The following UGGT1 variants were observed in gnomAD, a reference collection of about 807,000 sequenced individuals.
UGGT1 encodes the protein UDP-glucose:glycoprotein glucosyltransferase 1.
Under a neutral mutation model 203.9 loss-of-function variants are expected in UGGT1, and 107 were observed. That is an observed-to-expected ratio of 0.52 (90% CI 0.45 to 0.62). The LOEUF (loss-of-function observed/expected upper bound fraction) is 0.62, where lower values mean the gene tolerates loss of function less well. Ranked by LOEUF, UGGT1 falls within the 20% of genes least tolerant of loss-of-function variation. The probability of loss-of-function intolerance (pLI) is 0.00; values close to 1 mark genes in which losing one functional copy is unlikely to be tolerated. For synonymous variants in UGGT1, 628 were observed against 653.5 expected (o/e 0.96, Z 0.59); for missense variants, 1,673 against 1,867.2 (o/e 0.90, Z 1.92).
chr2:128,154,591 A>G (rs1433564614), intron 19 of UGGT1, among the ~76,000 whole-genome samples: 2 of 152,138 alleles, frequency 1.3e-5, no homozygotes, highest in African/African-American at 4.8e-5. Context: ...TTTTATCGGC[A>G]TGGTGTGCTC....
intron 38 of UGGT1, among the ~76,000 whole-genome samples, chr2:128,185,444 G>A (rs1161232753): frequency 2.5e-4 from 37 of 146,722 alleles, no homozygotes; most frequent in Non-Finnish European, 3.9e-4. Flanking sequence ...TGCTGGGATT[G>A]CAGGTGTGAG....
At chr2:128,146,947 C>A (rs751738781) in intron 18 of UGGT1, among the ~76,000 whole-genome samples, 1 of 152,192 alleles carries the variant, frequency 6.6e-6, no homozygotes, top group Non-Finnish European at 1.5e-5. Flanking sequence ...CAGCCCCCAA[C>A]CTGAGTCATT....
Position 128,182,152 on chromosome 2 carries a change from A to G in UGGT1, c.4106A>G (p.Glu1369Gly). 6.2e-7 allele frequency: 1 copy of G among 1,614,064 alleles called. No homozygotes were observed. Among genetic ancestry groups the G allele is most frequent in the Admixed American group, 1.7e-5 (1 of 60,020 alleles). Reference sequence around the variant, plus strand: ...CAGATTGTACGAACAGATCTGAAAGAGTTAAGAGATTTCAATTTGGATGGT... The same window carrying G: ...CAGATTGTACGAACAGATCTGAAAGGGTTAAGAGATTTCAATTTGGATGGT... ...ADQIVRTDLK[E>G]LRDFNLDGAP... The change falls in exon 37 of 41, where the codon GAG (glutamate) becomes GGG (glycine). Residue 1369 changes from glutamate (E) to glycine (G), a missense_variant. By Grantham distance (98) the Glu-to-Gly change is moderately conservative. Around this residue, in one of 4 missense-constraint regions of UGGT1, gnomAD observed 513 missense variants for 684.1 expected, o/e 0.75. Transcript: ENST00000259253.
intron 18 of UGGT1, among the ~76,000 whole-genome samples, chr2:128,152,046 T>C (rs1689998946): frequency 6.6e-6 from 1 of 152,240 alleles, no homozygotes; most frequent in African/African-American, 2.4e-5. Flanking sequence ...TAAATGACAA[T>C]GATTTCCTAT....
chr2:128,182,116 T>C lies in UGGT1; in HGVS notation c.4084-14T>C. 6.2e-7 allele frequency: 1 copy of C among 1,611,640 alleles called. No homozygotes were observed. The highest frequency in any genetic ancestry group is 8.5e-7 in the Non-Finnish European group (1 of 1,178,686). ...TGCATGGTTGCTTAACAAATGACTT[T>C]TTATATTCTCCAGATTGTACGAACA... On this transcript the variant is annotated splice_polypyrimidine_tract_variant and intron_variant, in intron 36 of 40. Transcript: ENST00000259253.
chr2:128,132,218 C>T (rs1322715182), intron 13 of UGGT1, among the ~76,000 whole-genome samples: 57 of 150,130 alleles, frequency 3.8e-4, no homozygotes, highest in African/African-American at 1.2e-3. Flanking sequence ...TTTTTTTTTC[C>T]GATTTTTTTT....
In UGGT1 at chr2:128,169,048, TAAAAAAAAAA is replaced by T. The variant is rs544381740; in HGVS notation, c.2922-1206_2922-1197del. ...GGGTGAATGAGCGAGACTCTGTCTT[TAAAAAAAAAA>T]AAAAAAAAAAAAAAAAAAAAAAAAA... On this transcript the variant is annotated intron_variant, in intron 26 of 40. Transcript: ENST00000259253. Among the ~76,000 whole-genome samples the T allele has an allele frequency of 4.8e-4, 25 of 52,544 alleles. 1 individual carries two copies. The East Asian group carries it at 6.6e-3, about 14-fold the overall frequency. 34.5% of individuals were successfully genotyped at this position (52,544 alleles called of 152,430 possible). A position where few individuals can be genotyped will look rare whatever the true frequency, so the allele number is the denominator to read the frequency against.
intron 1 of UGGT1, among the ~76,000 whole-genome samples, chr2:128,094,185 C>T (rs1001672966): frequency 9.9e-5 from 15 of 151,898 alleles, no homozygotes; most frequent in Non-Finnish European, 2.1e-4. Context: ...TAGCTAATAG[C>T]GTAATACTGC....
chr2:128,133,952 T>G (rs1018907986), intron 14 of UGGT1, among the ~76,000 whole-genome samples: 1 of 152,152 alleles, frequency 6.6e-6, no homozygotes, highest in African/African-American at 2.4e-5. Context: ...GGGAAAGAGA[T>G]AGTGGTAGGG....
At position 128,179,859 on chromosome 2, in the gene UGGT1, C is replaced by T; in HGVS notation, c.3889C>T (p.Pro1297Ser). 6.2e-7 allele frequency: 1 copy of T among 1,613,224 alleles called. No individual in the cohort carries two copies. The highest frequency in any genetic ancestry group is 1.7e-5 in the Admixed American group (1 of 59,936). ...CTGGTTCTTGAAGAATTACTTGTCC[C>T]CCACATTTAAGGTTTGTTTCACAGA... ...KFWFLKNYLS[P>S]TFKEFIPYMA... Residue 1297 changes from proline (P) to serine (S), a missense_variant, in exon 35 of 41, where the codon CCC becomes TCC. By Grantham distance (74) the Pro-to-Ser change is moderately conservative. This residue lies in a region of UGGT1 where 513 missense variants were observed against 684.1 expected (regional missense o/e 0.75). Transcript: ENST00000259253.
At position 128,165,070 on chromosome 2, in the gene UGGT1, C is replaced by A. The variant is rs143098001; in HGVS notation, c.2921+245C>A. Among the ~76,000 whole-genome samples the A allele has an allele frequency of 1.8e-3, 273 of 152,288 alleles. 1 individual carries two copies. Among genetic ancestry groups the A allele is most frequent in the Middle Eastern group, 0.017 (5 of 294 alleles). On this transcript the variant is annotated intron_variant, in intron 26 of 40. Coordinates refer to ENST00000259253, the MANE Select transcript of UGGT1 (RefSeq NM_020120.4). ...TGAATCTGAAATAACTCTGAGTGCA[C>A]CCTTGTAGTAGAAAATAGACTGCAT...
chr2:128,103,519 A>G (rs1687473287), intron 2 of UGGT1, among the ~76,000 whole-genome samples: 1 of 152,184 alleles, frequency 6.6e-6, no homozygotes. Flanking sequence ...AACTTTAGGC[A>G]AAACATATTT....
intron 15 of UGGT1, among the ~76,000 whole-genome samples, chr2:128,138,242 G>A (rs541935009): frequency 1.3e-4 from 20 of 152,104 alleles, no homozygotes; most frequent in African/African-American, 2.7e-4. Flanking sequence ...GTAAGTGGCC[G>A]GGCATGGTGG....
At chr2:128,091,468 A>T in intron 1 of UGGT1, 53 bp downstream of exon 1, 1 of 1,549,074 alleles carries the variant, frequency 6.5e-7, no homozygotes, top group Non-Finnish European at 8.7e-7. Context: ...GGTTTGGGGC[A>T]CAAGGCGACC....
At chr2:128,167,722 G>A (rs1690865258) in intron 26 of UGGT1, among the ~76,000 whole-genome samples, 1 of 152,176 alleles carries the variant, frequency 6.6e-6, no homozygotes, top group African/African-American at 2.4e-5. Flanking sequence ...GCACAATATA[G>A]TGAATACATT....
chr2:128,101,871 C>A (rs1005186493), intron 2 of UGGT1, among the ~76,000 whole-genome samples: 3 of 152,130 alleles, frequency 2.0e-5, no homozygotes, highest in Non-Finnish European at 4.4e-5. Flanking sequence ...TCTAAGAAAA[C>A]AAGTTGTCAC....
At chr2:128,156,583 A>G (rs1448370154) in intron 21 of UGGT1, among the ~76,000 whole-genome samples, 168 bp downstream of exon 21, 2 of 141,248 alleles carry the variant, frequency 1.4e-5, no homozygotes, top group Non-Finnish European at 1.5e-5. Flanking sequence ...TTTGAGACAG[A>G]GTCTCATTCT....
At chr2:128,100,416 CT>C (rs1374890785) in intron 2 of UGGT1, among the ~76,000 whole-genome samples, 1 of 151,462 alleles carries the variant, frequency 6.6e-6, no homozygotes, top group East Asian at 2.0e-4. Context: ...GTTTAACATT[CT>C]TTTTTTGAGA....
rs1475083655 is a variant in UGGT1 at position 128,160,558 on chromosome 2, G to T, written c.2661G>T (p.Lys887Asn). 1.2e-6 allele frequency: 2 copies of T among 1,613,354 alleles called. No individual in the cohort carries two copies. Among genetic ancestry groups the T allele is most frequent in the Non-Finnish European group, 1.7e-6 (2 of 1,179,786 alleles). ...ACTGCAGGGATGTTCTGAAGCTGAA[G>T]AAGGGACAGAGGGCAGTGATCAGCA... is the stretch of plus-strand genomic sequence containing the variant. ...AVYCRDVLKL[K>N]KGQRAVISNG... The change falls in exon 24 of 41, where the codon AAG (lysine) becomes AAT (asparagine). Residue 887 changes from lysine to asparagine, a missense_variant. This residue lies in a region of UGGT1 where 1,073 missense variants were observed against 1,078.7 expected (regional missense o/e 0.99). Transcript: ENST00000259253.
Sources: gnomAD v4.1 joint callset for allele counts (sites outside exome capture counted in the v4.1 genomes callset) on GRCh38, gnomAD v4.1.1 for gene constraint, gnomAD v4.1.1 regional missense constraint, MANE v1.5 for transcripts, NCBI Gene and HGNC (gene_info 2026-07-23, HGNC 2026-07-21) for gene names.